Variants in CHAF1A observed in about 807,000 individuals in gnomAD.
CHAF1A encodes CAF-1 subunit A.
A neutral mutation model predicts 93.2 loss-of-function variants in CHAF1A; 5 were observed. That is an observed-to-expected ratio of 0.05 (90% CI 0.03 to 0.11). The LOEUF (loss-of-function observed/expected upper bound fraction) is 0.11, where lower values mean the gene tolerates loss of function less well. CHAF1A is among the 10% of genes least tolerant of loss of function. The pLI is 1.00. For synonymous variants in CHAF1A, 504 were observed against 510.3 expected (o/e 0.99, Z 0.17); for missense variants, 1,102 against 1,259.9 (o/e 0.87, Z 1.90).
At chr19:4,447,293 C>G (rs1974554423), downstream of CHAF1A, 34 of 576,062 alleles carry the variant, frequency 5.9e-5, 1 homozygote, top group East Asian at 9.0e-4. Context: ...TGTTCCCAAA[C>G]AAGCCCAGCT....
downstream of CHAF1A, chr19:4,447,634 G>A (rs200865875): frequency 1.2e-6 from 2 of 1,613,814 alleles, no homozygotes; most frequent in East Asian, 4.5e-5. Context: ...ACCTGGGGTA[G>A]GTGGAGAAGG....
intron 3 of CHAF1A, among the ~76,000 whole-genome samples, chr19:4,410,152 C>T (rs564321933): frequency 6.1e-4 from 93 of 152,168 alleles, no homozygotes; most frequent in African/African-American, 1.8e-3. Flanking sequence ...AATGTAGGGA[C>T]GGGGCTGCAA....
intron 7 of CHAF1A, 23 bp from the exon 8 acceptor site, chr19:4,428,641 A>G: frequency 1.9e-6 from 3 of 1,596,516 alleles, no homozygotes; most frequent in Non-Finnish European, 1.7e-6. Flanking sequence ...CGAAGACCCC[A>G]TCGGGTCTCT....
chr19:4,430,241 G>T lies in CHAF1A; in HGVS notation c.1855-308G>T, dbSNP rs760689232. 8.3e-6 allele frequency: 3 copies of T among 361,306 alleles called. No individual in the cohort carries two copies. In the Admixed American group the frequency reaches 1.3e-4, roughly 15 times the overall value. The allele number at this position is 361,306 out of a possible 1,614,324, so 22.4% of individuals were successfully genotyped here. A position where few individuals can be genotyped will look rare whatever the true frequency, so the allele number is the denominator to read the frequency against. ...CACTCAGGCTGGAGTGCAGTGGCGCGATTTCGGCTCACTGCAACCTCTGCC... is the reference window on the plus strand; with the variant it reads ...CACTCAGGCTGGAGTGCAGTGGCGCTATTTCGGCTCACTGCAACCTCTGCC... On this transcript the variant is annotated intron_variant, in intron 10 of 14. Transcript: ENST00000301280.
intron 3 of CHAF1A, among the ~76,000 whole-genome samples, chr19:4,413,361 C>T (rs151216057): frequency 7.2e-5 from 11 of 152,254 alleles, no homozygotes; most frequent in Non-Finnish European, 1.5e-4. Flanking sequence ...TGAGCCACCG[C>T]GCCTGGCCAG....
chr19:4,430,507 G>A (rs1974162013), intron 10 of CHAF1A, 42 bp from the exon 11 acceptor site: 7 of 1,389,364 alleles, frequency 5.0e-6, no homozygotes, highest in South Asian at 4.6e-5. Context: ...CACACACTCT[G>A]CTTTTCTATC....
At chr19:4,419,103 C>G (rs1973947162) in intron 4 of CHAF1A, among the ~76,000 whole-genome samples, 1 of 131,662 alleles carries the variant, frequency 7.6e-6, no homozygotes, top group African/African-American at 2.9e-5. Context: ...TGGTCTCAAA[C>G]TCCTGAGCTC....
downstream of CHAF1A, chr19:4,446,597 G>A (rs534985329): frequency 3.2e-5 from 52 of 1,612,620 alleles, no homozygotes; most frequent in Admixed American, 1.0e-4. Flanking sequence ...TGGAAGACGC[G>A]GCGCTGCCTG....
In CHAF1A at chr19:4,440,446, TA is replaced by T. The variant is rs536946360; in HGVS notation, c.2674-1786del. Among the ~76,000 whole-genome samples, 368 of 143,354 alleles carry T rather than the reference TA, an allele frequency of 2.6e-3. 2 individuals are homozygous for T. Among genetic ancestry groups the T allele is most frequent in the African/African-American group, 6.1e-3 (239 of 39,170 alleles). The allele number at this position is 143,354 out of a possible 152,430, so 94.0% of individuals were successfully genotyped here. On this transcript the variant is annotated intron_variant, in intron 13 of 14. Transcript: ENST00000301280. ...ATAGTGACACCCCCTTGTCTCTACT[TA>T]AAAAAAAAAAAATTAGCTGGGCGTG...
chr19:4,409,233 A>T lies in CHAF1A; in HGVS notation c.434A>T (p.Glu145Val). 3 of 1,614,202 alleles carry T rather than the reference A, an allele frequency of 1.9e-6. No individual in the cohort carries two copies. Among genetic ancestry groups the T allele is most frequent in the South Asian group, 1.1e-5 (1 of 91,086 alleles). Residue 145 changes from glutamate (E) to valine (V), a missense_variant, in exon 3 of 15, where the codon GAG (glutamate) becomes GTG (valine). Around this residue, in one of 6 missense-constraint regions of CHAF1A, gnomAD observed 379 missense variants for 365.7 expected, o/e 1.04. Coordinates refer to ENST00000301280, the MANE Select transcript of CHAF1A (RefSeq NM_005483.3). ...AATTCTGAAGCCTCTCCCTCCAGGG[A>T]GGCAATAAATGGCCAGCGAGAAGAC... is the stretch of plus-strand genomic sequence containing the variant. ...KLNSEASPSR[E>V]AINGQREDTG...
At chr19:4,408,606 T>A (rs1973729623) in intron 2 of CHAF1A, among the ~76,000 whole-genome samples, 2 of 151,222 alleles carry the variant, frequency 1.3e-5, no homozygotes, top group South Asian at 4.2e-4. Context: ...CCTCAGTAAC[T>A]GGTATTACAG....
intron 3 of CHAF1A, among the ~76,000 whole-genome samples, chr19:4,415,467 A>C (rs917141489): frequency 6.6e-6 from 1 of 152,156 alleles, no homozygotes. Context: ...CCACCCCAAG[A>C]CCACATTCCG....
downstream of CHAF1A, chr19:4,445,198 TG>T (rs1974479096): frequency 2.7e-6 from 1 of 375,090 alleles, no homozygotes; most frequent in South Asian, 2.5e-5. Context: ...CCCAGGGAGA[TG>T]CCACGTGTGT....
chr19:4,406,228 C>T (rs1014266610), intron 2 of CHAF1A, among the ~76,000 whole-genome samples: 1 of 152,204 alleles, frequency 6.6e-6, no homozygotes, highest in African/African-American at 2.4e-5. Context: ...AGCAGCATCC[C>T]TGGCCTCTTC....
chr19:4,424,020 G>A, intron 7 of CHAF1A, 146 bp downstream of exon 7: 1 of 693,016 alleles, frequency 1.4e-6, no homozygotes, highest in Non-Finnish European at 2.5e-6. Context: ...TTCTGGTTAA[G>A]TCTTGAGGCT....
At chr19:4,446,123 G>A, downstream of CHAF1A, 1 of 1,612,356 alleles carries the variant, frequency 6.2e-7, no homozygotes, top group Non-Finnish European at 8.5e-7. Context: ...AGCTCAAAAG[G>A]CAGCCAGTCG....
chr19:4,408,892 C>G lies in CHAF1A; in HGVS notation c.104-11C>G. The G allele has an allele frequency of 6.3e-7, 1 of 1,587,222 alleles. No homozygotes were observed. The highest frequency in any genetic ancestry group is 8.5e-7 in the Non-Finnish European group (1 of 1,170,440). ...ACGTTCACTAGAGATGGCTTTCTGT[C>G]TTTGTTTCAGCCCGTCTGCCGTTTA... On this transcript the variant is annotated splice_polypyrimidine_tract_variant and intron_variant, in intron 2 of 14. Transcript: ENST00000301280.
intron 3 of CHAF1A, among the ~76,000 whole-genome samples, chr19:4,411,525 T>TG (rs1480424420): frequency 6.6e-6 from 1 of 151,944 alleles, no homozygotes; most frequent in Non-Finnish European, 1.5e-5. Flanking sequence ...CCACTGTGCT[T>TG]GGCCAAGAGC....
intron 1 of CHAF1A, among the ~76,000 whole-genome samples, chr19:4,403,040 T>G (rs537792347): frequency 4.6e-5 from 7 of 152,344 alleles, no homozygotes; most frequent in African/African-American, 1.4e-4. Context: ...TTTCCGGCGC[T>G]TTTGCGTCAG....
Sources: allele counts gnomAD v4.1 joint callset (sites outside exome capture counted in the v4.1 genomes callset), GRCh38; gene constraint gnomAD v4.1.1; regional missense constraint gnomAD v4.1.1; transcripts MANE v1.5; gene names NCBI Gene and HGNC (gene_info 2026-07-23, HGNC 2026-07-21).